The following ZNF107 variants were observed in gnomAD, a reference collection of about 807,000 sequenced individuals.
ZNF107 encodes C2H2 type zinc-finger protein.
Under a neutral mutation model 12.3 loss-of-function variants are expected in ZNF107, and 19 were observed. That is an observed-to-expected ratio of 1.55 (90% confidence interval 1.08 to 2.27). The LOEUF is 2.27. ZNF107 is among the 30% of genes most tolerant of loss of function. The pLI is 0.00. For synonymous variants in ZNF107, 317 were observed against 330.5 expected (o/e 0.96, Z 0.44); for missense variants, 958 against 979.9 (o/e 0.98, Z 0.30).
chr7:64,691,728 A>G (rs577267341), intron 2 of ZNF107, 137 bp from the exon 3 acceptor site: 2 of 400,386 alleles, frequency 5.0e-6, no homozygotes, highest in South Asian at 2.0e-4. Flanking sequence ...CATTTAAAAT[A>G]TTTTCTGAAT....
chr7:64,666,207 A>G lies in ZNF107; in HGVS notation c.-76A>G. On this transcript the variant is annotated 5_prime_UTR_variant, in exon 1 of 4. Transcript: ENST00000620827. ...CAGTGTCCTCTGCTCCTAGAGGCCCAGCCTCTGTGTCCCTGTGACCTGCAG... is the reference window on the plus strand; with the variant it reads ...CAGTGTCCTCTGCTCCTAGAGGCCCGGCCTCTGTGTCCCTGTGACCTGCAG... 1 of 1,575,260 alleles carries G rather than the reference A, an allele frequency of 6.3e-7. No homozygotes were observed. The highest frequency in any genetic ancestry group is 8.7e-7 in the Non-Finnish European group (1 of 1,151,222).
rs201677329 is a variant in ZNF107 at position 64,707,634 on chromosome 7, G to C, written c.1537G>C (p.Glu513Gln). ...TGGAGAGAAACCCTACAAATGTGAA[G>C]AATGTGACAGAGCTTTTAGCCAGTC... is the stretch of plus-strand genomic sequence containing the variant. ...HTGEKPYKCE[E>Q]CDRAFSQSSN... The change falls in exon 4 of 4, where the codon GAA (glutamate) becomes CAA (glutamine). Residue 513 changes from glutamate to glutamine, a missense_variant. Transcript: ENST00000620827. The C allele has an allele frequency of 9.9e-6, 16 of 1,612,894 alleles. No individual in the cohort carries two copies. The highest frequency in any genetic ancestry group is 1.4e-5 in the Non-Finnish European group (16 of 1,179,668).
intron 1 of ZNF107, chr7:64,687,230 G>A (rs1017595579): frequency 1.0e-5 from 10 of 986,374 alleles, no homozygotes; most frequent in African/African-American, 3.5e-5. Flanking sequence ...GGCTGTCATA[G>A]TGAGAACTCT....
intron 3 of ZNF107, among the ~76,000 whole-genome samples, chr7:64,698,090 G>A (rs1021404730): frequency 6.6e-6 from 1 of 152,042 alleles, no homozygotes; most frequent in Non-Finnish European, 1.5e-5. Context: ...TTAAAAAATT[G>A]ATAATGGCCA....
intron 1 of ZNF107, among the ~76,000 whole-genome samples, chr7:64,666,653 G>A (rs186582569): frequency 7.9e-5 from 12 of 152,324 alleles, no homozygotes; most frequent in Admixed American, 1.3e-4. Flanking sequence ...CTCGGGATGC[G>A]GGGTTCATGA....
chr7:64,706,448 T>A lies in ZNF107; in HGVS notation c.351T>A (p.Cys117Ter), dbSNP rs1455155879. 6.2e-7 allele frequency: 1 copy of A among 1,613,782 alleles called. No homozygotes were observed. Residue 117 changes from cysteine (C) to a stop codon, truncating the protein, a stop_gained, in exon 4 of 4, where the codon TGT (cysteine) becomes TGA (stop). Transcript: ENST00000620827. LOFTEE classifies it low-confidence loss of function (END_TRUNC). Reference sequence around the variant, plus strand: ...AGAATTTACAGTTAAGAAAAGGCTGTAAACATGTGGATGAGTGTACGGGGC... The same window carrying A: ...AGAATTTACAGTTAAGAAAAGGCTGAAAACATGTGGATGAGTGTACGGGGC... ...EYENLQLRKG[C>*]KHVDECTGHK...
At chr7:64,706,065 G>A (rs1790629638) in intron 3 of ZNF107, among the ~76,000 whole-genome samples, 9 of 150,476 alleles carry the variant, frequency 6.0e-5, no homozygotes, top group Admixed American at 6.0e-4. Context: ...AAACAGACTT[G>A]TCTCTTTCTT....
intron 3 of ZNF107, among the ~76,000 whole-genome samples, chr7:64,698,714 C>T (rs1418276686): frequency 2.0e-5 from 3 of 152,168 alleles, no homozygotes; most frequent in Non-Finnish European, 4.4e-5. Context: ...AGCTACCATG[C>T]CTGGCTTGTT....
chr7:64,698,700 C>T lies in ZNF107; in HGVS notation c.226+6740C>T, dbSNP rs144541197. The stretch of plus-strand genomic sequence containing the variant: ...CCTCCCAAAGTGCTGGAATTACAGG[C>T]GTGAGCTACCATGCCTGGCTTGTTG... On this transcript the variant is annotated intron_variant, in intron 3 of 3. Transcript: ENST00000620827. 3.9e-3 allele frequency among the ~76,000 whole-genome samples: 591 copies of T among 152,210 alleles called. 5 individuals are homozygous for T. Among genetic ancestry groups the T allele is most frequent in the African/African-American group, 0.013 (548 of 41,538 alleles).
intron 1 of ZNF107, chr7:64,684,662 G>A: frequency 1.0e-6 from 1 of 985,334 alleles, no homozygotes. Context: ...CACTCTATTT[G>A]CCAAGACATC....
At chr7:64,705,629 C>T (rs1790612233) in intron 3 of ZNF107, among the ~76,000 whole-genome samples, 1 of 150,172 alleles carries the variant, frequency 6.7e-6, no homozygotes, top group African/African-American at 2.4e-5. Flanking sequence ...AACCATTTGT[C>T]TTGAGTAGTG....
At chr7:64,685,353 A>T (rs1433903657) in intron 1 of ZNF107, among the ~76,000 whole-genome samples, 2 of 152,180 alleles carry the variant, frequency 1.3e-5, no homozygotes, top group Admixed American at 1.3e-4. Context: ...TCTCCCAAAC[A>T]GCTACATTCA....
intron 1 of ZNF107, 141 bp from the exon 2 acceptor site, chr7:64,691,107 C>T: frequency 7.6e-6 from 6 of 792,336 alleles, no homozygotes; most frequent in East Asian, 7.8e-5. Flanking sequence ...CTCTTGACCT[C>T]GTGATTTGCC....
intron 2 of ZNF107, 42 bp downstream of exon 2, chr7:64,691,416 A>G: frequency 1.5e-6 from 2 of 1,362,668 alleles, no homozygotes; most frequent in Non-Finnish European, 1.9e-6. Flanking sequence ...ATACCCTTAA[A>G]GTTTTATTTC....
intron 1 of ZNF107, among the ~76,000 whole-genome samples, chr7:64,671,615 C>G (rs933388222): frequency 6.6e-6 from 1 of 152,152 alleles, no homozygotes; most frequent in Non-Finnish European, 1.5e-5. Flanking sequence ...GCATTCTCCC[C>G]CACCCATGGA....
intron 1 of ZNF107, among the ~76,000 whole-genome samples, chr7:64,672,032 C>G (rs1012451751): frequency 6.6e-6 from 1 of 151,880 alleles, no homozygotes; most frequent in Non-Finnish European, 1.5e-5. Flanking sequence ...GTGATCCACC[C>G]GCCTCGGCCT....
Position 64,709,436 on chromosome 7 carries a change from G to A in ZNF107, c.*780G>A, listed in dbSNP as rs1322733961. ...AATCCTCAAACCTCACTAAACATAA[G>A]ATAATACTGAAAACTTTACAAACCT... is the stretch of plus-strand genomic sequence containing the variant. On this transcript the variant is annotated 3_prime_UTR_variant, in exon 4 of 4. Coordinates refer to ENST00000620827, the MANE Select transcript of ZNF107 (RefSeq NM_001282359.2). 3.2e-5 allele frequency: 11 copies of A among 343,800 alleles called. No homozygotes were observed. Among genetic ancestry groups the A allele is most frequent in the Non-Finnish European group, 6.1e-5 (11 of 179,430 alleles). The allele number at this position is 343,800 out of a possible 1,614,324, so 21.3% of individuals were successfully genotyped here. A position where few individuals can be genotyped will look rare whatever the true frequency, so the allele number is the denominator to read the frequency against.
At chr7:64,668,213 T>A (rs1440216775) in intron 1 of ZNF107, among the ~76,000 whole-genome samples, 2 of 151,942 alleles carry the variant, frequency 1.3e-5, no homozygotes, top group East Asian at 3.9e-4. Flanking sequence ...CGTGCAGGTT[T>A]GTTACATATG....
Position 64,711,471 on chromosome 7 carries a change from A to G in ZNF107, c.*2815A>G, listed in dbSNP as rs1472272347. 6.6e-6 allele frequency: 1 copy of G among 152,220 alleles called. No individual in the cohort carries two copies. The highest frequency in any genetic ancestry group is 2.4e-5 in the African/African-American group (1 of 41,470). The allele number at this position is 152,220 out of a possible 1,614,324, so 9.4% of individuals were successfully genotyped here. ...AATTCTGCACTTTTAGATACTTTAGAATGTACAGTCGTTACTACAGGGTCA... is the reference window on the plus strand; with the variant it reads ...AATTCTGCACTTTTAGATACTTTAGGATGTACAGTCGTTACTACAGGGTCA... On this transcript the variant is annotated 3_prime_UTR_variant, in exon 4 of 4. Transcript: ENST00000620827.
Sources: gnomAD v4.1 joint callset for allele counts (sites outside exome capture counted in the v4.1 genomes callset) on GRCh38, gnomAD v4.1.1 for gene constraint, MANE v1.5 for transcripts, NCBI Gene and HGNC (gene_info 2026-07-23, HGNC 2026-07-21) for gene names.